The following PARG variants were observed in gnomAD, a reference collection of about 807,000 sequenced individuals.
PARG encodes the protein mitochondrial poly(ADP-ribose) glycohydrolase.
In PARG, 35 loss-of-function variants were observed where a neutral mutation model predicts 113.0. The ratio of observed to expected loss-of-function variants is 0.31; its 90% CI spans 0.24 to 0.41. The LOEUF is 0.41. Among genes scored for constraint, PARG ranks in the 10% least tolerant of loss-of-function variants. The pLI is 1.00. For missense variants in PARG, 797 were observed against 1,169.4 expected (o/e 0.68, Z 4.64); for synonymous variants, 330 against 409.9 (o/e 0.81, Z 2.36).
intron 7 of PARG, among the ~76,000 whole-genome samples, chr10:49,899,520 C>T (rs1348643837): frequency 6.6e-6 from 1 of 152,112 alleles, no homozygotes; most frequent in African/African-American, 2.4e-5. Context: ...ATTATGGCTT[C>T]AATAAAAATG....
At chr10:49,836,314 T>C (rs1844926337) in intron 15 of PARG, among the ~76,000 whole-genome samples, 1 of 127,174 alleles carries the variant, frequency 7.9e-6, no homozygotes, top group Admixed American at 8.1e-5. Flanking sequence ...CGACTTTTTT[T>C]TTTTTTTTTT....
chr10:49,904,820 G>T (rs1382965078), intron 7 of PARG, among the ~76,000 whole-genome samples: 3 of 152,118 alleles, frequency 2.0e-5, no homozygotes, highest in Non-Finnish European at 2.9e-5. Context: ...GGAGGCTGAG[G>T]CAGGAGAATC....
chr10:49,820,954 T>G (rs1221946237), intron 16 of PARG, among the ~76,000 whole-genome samples: 1 of 152,208 alleles, frequency 6.6e-6, no homozygotes, highest in Non-Finnish European at 1.5e-5. Flanking sequence ...ATATAATTGC[T>G]GTGTCTTATC....
In PARG at chr10:49,941,919, T is replaced by C; in HGVS notation, c.-194A>G. ...GTAAACACTCGCCTGCCTTCCCTCT[T>C]CCACTGGCACCCCACCTGCCTCAAT... On this transcript the variant is annotated 5_prime_UTR_variant, in exon 1 of 18. Transcript: ENST00000616448. 1.8e-6 allele frequency: 2 copies of C among 1,085,908 alleles called. No homozygotes were observed. Among genetic ancestry groups the C allele is most frequent in the Non-Finnish European group, 2.7e-6 (2 of 731,552 alleles). The allele number at this position is 1,085,908 out of a possible 1,614,324, so 67.3% of individuals were successfully genotyped here. A position where few individuals can be genotyped will look rare whatever the true frequency, so the allele number is the denominator to read the frequency against.
intron 13 of PARG, among the ~76,000 whole-genome samples, chr10:49,856,330 C>G (rs2132515568): frequency 1.3e-5 from 2 of 151,858 alleles, no homozygotes; most frequent in Admixed American, 1.3e-4. Context: ...CAGGCACCCA[C>G]CACCGTGCCT....
At chr10:49,826,457 G>GA (rs1844364559) in intron 16 of PARG, among the ~76,000 whole-genome samples, 1 of 152,184 alleles carries the variant, frequency 6.6e-6, no homozygotes, top group African/African-American at 2.4e-5. Context: ...CAGCATGGTA[G>GA]AAAATGACAT....
rs566054604 is a variant in PARG, at chr10:49,907,562, A to G, written c.1737+8355T>C. On this transcript the variant is annotated intron_variant, in intron 7 of 17. Coordinates refer to ENST00000616448, the MANE Select transcript of PARG (RefSeq NM_003631.5). The stretch of plus-strand genomic sequence containing the variant: ...CAGATCTAACGTTCTGTTTTTATTT[A>G]CTCATTATTTTTACCTTCAGATAAA... 3.3e-5 allele frequency among the ~76,000 whole-genome samples: 5 copies of G among 152,274 alleles called. No homozygotes were observed. The South Asian group carries it at 1.0e-3, about 32-fold the overall frequency.
At chr10:49,865,421 T>A in intron 10 of PARG, 40 bp from the exon 11 acceptor site, 1 of 625,254 alleles carries the variant, frequency 1.6e-6, no homozygotes. Flanking sequence ...CAAAATAAGT[T>A]TCAATTTTGA....
chr10:49,838,608 T>TGG, intron 15 of PARG, among the ~76,000 whole-genome samples: 1 of 152,054 alleles, frequency 6.6e-6, no homozygotes, highest in South Asian at 2.1e-4. Flanking sequence ...CCTCCCTGAG[T>TGG]GGTTAGGACT....
chr10:49,842,486 T>C (rs192070253), intron 14 of PARG, among the ~76,000 whole-genome samples: 3 of 152,326 alleles, frequency 2.0e-5, no homozygotes, highest in Admixed American at 6.5e-5. Flanking sequence ...GTAACATCAC[T>C]ATATACTGTC....
At chr10:49,880,683 C>T (rs1847170603) in intron 8 of PARG, among the ~76,000 whole-genome samples, 1 of 152,132 alleles carries the variant, frequency 6.6e-6, no homozygotes. Flanking sequence ...CACTAGTCCA[C>T]ACCATGATAG....
At chr10:49,916,300 T>TA (rs1554847617) in intron 6 of PARG, among the ~76,000 whole-genome samples, 1 of 151,940 alleles carries the variant, frequency 6.6e-6, no homozygotes, top group Non-Finnish European at 1.5e-5. Flanking sequence ...TCTTGAGGGG[T>TA]AAAAAATAAA....
intron 7 of PARG, among the ~76,000 whole-genome samples, chr10:49,914,884 T>G (rs189007141): frequency 6.6e-6 from 1 of 152,158 alleles, no homozygotes; most frequent in African/African-American, 2.4e-5. Flanking sequence ...GTTATCCACA[T>G]GCAAAATAAT....
chr10:49,832,316 T>C (rs1844708451), intron 16 of PARG, among the ~76,000 whole-genome samples: 1 of 152,188 alleles, frequency 6.6e-6, no homozygotes, highest in Non-Finnish European at 1.5e-5. Flanking sequence ...ATGTACTGCA[T>C]CGGTCTCATA....
rs74688139 is a variant in PARG at position 49,836,546 on chromosome 10, A to C, written c.2542-3638T>G. 3.9e-3 allele frequency among the ~76,000 whole-genome samples: 591 copies of C among 152,198 alleles called. 7 individuals are homozygous for C. The highest frequency in any genetic ancestry group is 0.014 in the African/African-American group (571 of 41,540). ...AGATCTTAGTTTCCTGATGTATAAA[A>C]TCCAAGATTGGGTTATGTATTTAAT... On this transcript the variant is annotated intron_variant, in intron 15 of 17. Coordinates refer to ENST00000616448, the MANE Select transcript of PARG (RefSeq NM_003631.5).
intron 16 of PARG, among the ~76,000 whole-genome samples, chr10:49,829,728 C>A (rs1397619047): frequency 5.9e-5 from 9 of 152,106 alleles, no homozygotes; most frequent in African/African-American, 1.9e-4. Flanking sequence ...AACAGATGAA[C>A]ATAGAGAACT....
At chr10:49,886,077 T>C (rs1812735387) in intron 7 of PARG, among the ~76,000 whole-genome samples, 1 of 152,234 alleles carries the variant, frequency 6.6e-6, no homozygotes. Context: ...TGAAATCACA[T>C]TTTAACTAGA....
intron 13 of PARG, among the ~76,000 whole-genome samples, chr10:49,852,299 C>G (rs1240141146): frequency 6.6e-6 from 1 of 151,988 alleles, no homozygotes; most frequent in Admixed American, 6.6e-5. Context: ...CCCCATATGT[C>G]CTTAGCCTGA....
At chr10:49,910,155 T>C (rs1442378472) in intron 7 of PARG, among the ~76,000 whole-genome samples, 5 of 152,126 alleles carry the variant, frequency 3.3e-5, no homozygotes, top group Non-Finnish European at 5.9e-5. Context: ...TCAATACTAA[T>C]AGAATTACAC....
Sources: gnomAD v4.1 joint callset for allele counts (sites outside exome capture counted in the v4.1 genomes callset) on GRCh38, gnomAD v4.1.1 for gene constraint, MANE v1.5 for transcripts, NCBI Gene and HGNC (gene_info 2026-07-23, HGNC 2026-07-21) for gene names.